Variants in NWD2 observed in about 807,000 individuals in gnomAD.
The protein encoded by NWD2 is NACHT and WD repeat domain containing 2.
In NWD2, 37 loss-of-function variants were observed where a neutral mutation model predicts 132.7. The observed-to-expected ratio is 0.28, with a 90% CI of 0.21 to 0.37. NWD2 has a LOEUF of 0.37. Among genes scored for constraint, NWD2 ranks in the 10% least tolerant of loss-of-function variants. The pLI is 1.00. For missense variants in NWD2, 1,592 were observed against 2,122.4 expected, an observed-to-expected ratio of 0.75 and a Z score of 4.91; for synonymous variants, 705 against 803.0, an observed-to-expected ratio of 0.88 and a Z score of 2.06.
intron 3 of NWD2, among the ~76,000 whole-genome samples, chr4:37,429,243 T>A (rs1712103025): frequency 6.6e-6 from 1 of 152,220 alleles, no homozygotes. Flanking sequence ...CATATATGCG[T>A]GCTATTCTCT....
chr4:37,405,055 TC>T (rs1280033247), intron 3 of NWD2, among the ~76,000 whole-genome samples: 1 of 152,218 alleles, frequency 6.6e-6, no homozygotes, highest in Non-Finnish European at 1.5e-5. Flanking sequence ...AATCTTGTCT[TC>T]TATTTATCGT....
intron 3 of NWD2, among the ~76,000 whole-genome samples, chr4:37,428,981 C>G (rs1331935663): frequency 6.6e-6 from 1 of 152,176 alleles, no homozygotes; most frequent in Non-Finnish European, 1.5e-5. Flanking sequence ...ATCTGCTCGC[C>G]TTGGCCTCCC....
chr4:37,287,953 A>C (rs1485077762), intron 1 of NWD2, among the ~76,000 whole-genome samples: 1 of 152,258 alleles, frequency 6.6e-6, no homozygotes, highest in African/African-American at 2.4e-5. Flanking sequence ...AATGCGGTAC[A>C]TATAGACCAT....
intron 3 of NWD2, among the ~76,000 whole-genome samples, chr4:37,421,938 G>T (rs758015001): frequency 6.6e-6 from 1 of 152,138 alleles, no homozygotes; most frequent in African/African-American, 2.4e-5. Flanking sequence ...ACTAGAATAA[G>T]GACCATCTTC....
At chr4:37,336,333 G>GT (rs1719405418) in intron 2 of NWD2, among the ~76,000 whole-genome samples, 1 of 152,198 alleles carries the variant, frequency 6.6e-6, no homozygotes, top group Non-Finnish European at 1.5e-5. Flanking sequence ...TTACATTCTT[G>GT]TTTTTATCCT....
intron 1 of NWD2, among the ~76,000 whole-genome samples, chr4:37,283,010 C>T (rs1718159248): frequency 6.6e-6 from 1 of 152,138 alleles, no homozygotes. Flanking sequence ...TCCTCAAGGT[C>T]ATAAAGCTGG....
chr4:37,268,766 G>A (rs1391453665), intron 1 of NWD2, among the ~76,000 whole-genome samples: 1 of 151,696 alleles, frequency 6.6e-6, no homozygotes, highest in Non-Finnish European at 1.5e-5. Context: ...TCTGGCAGCT[G>A]TATATATAAT....
Position 37,337,012 on chromosome 4 carries a change from T to C in NWD2, c.240+10988T>C, listed in dbSNP as rs932048245. On this transcript the variant is annotated intron_variant, in intron 2 of 6. Coordinates refer to ENST00000309447, the MANE Select transcript of NWD2 (RefSeq NM_001144990.2). The stretch of plus-strand genomic sequence containing the variant: ...CTGTCAAATGAGTAACTTTTTCTTC[T>C]ATCTGACTGCTTTTGGGCATTGTGT... Among the ~76,000 whole-genome samples, 11 of 151,474 alleles carry C rather than the reference T, an allele frequency of 7.3e-5. 1 individual carries two copies. Among genetic ancestry groups the C allele is most frequent in the Middle Eastern group, 3.4e-3 (1 of 290 alleles).
intron 3 of NWD2, among the ~76,000 whole-genome samples, chr4:37,368,390 G>A (rs945047484): frequency 6.6e-6 from 1 of 152,046 alleles, no homozygotes; most frequent in Admixed American, 6.6e-5. Context: ...TTCCATTGTT[G>A]TCCAATAAAA....
Position 37,439,050 on chromosome 4 carries a change from C to T in NWD2, c.956C>T (p.Thr319Ile), listed in dbSNP as rs1444921986. ...GCATCATCTAATCTGAGAGTGTACA[C>T]ATCTGTTACTCATTGTGACATGAAA... ...IVASSNLRVY[T>I]SVTHCDMKLG... Residue 319 changes from threonine (T) to isoleucine (I), a missense_variant, in exon 6 of 7, where the codon ACA (threonine) becomes ATA (isoleucine). This residue lies in a region of NWD2 where 1,071 missense variants were observed against 1,398.0 expected (regional missense o/e 0.77). Coordinates refer to ENST00000309447, the MANE Select transcript of NWD2 (RefSeq NM_001144990.2). This position sits in a 1 kb window ranked among gnomAD's most constrained non-coding sequence, Gnocchi z 4.5. 3.9e-6 allele frequency: 6 copies of T among 1,551,658 alleles called. No homozygotes were observed. Among genetic ancestry groups the T allele is most frequent in the Non-Finnish European group, 2.6e-6 (3 of 1,146,900 alleles).
At chr4:37,436,498 G>A (rs1712325843) in intron 5 of NWD2, among the ~76,000 whole-genome samples, 1 of 151,916 alleles carries the variant, frequency 6.6e-6, no homozygotes. Flanking sequence ...TGCCAAATTA[G>A]TTTATCTGTA....
chr4:37,304,618 G>A (rs974146894), intron 1 of NWD2, among the ~76,000 whole-genome samples: 8 of 152,144 alleles, frequency 5.3e-5, no homozygotes, highest in Admixed American at 2.6e-4. Context: ...AAAACAAAGC[G>A]GCTACAGGCC....
intron 3 of NWD2, among the ~76,000 whole-genome samples, chr4:37,391,159 G>A (rs1307977019): frequency 6.6e-6 from 1 of 152,072 alleles, no homozygotes; most frequent in African/African-American, 2.4e-5. Context: ...GTGATTCCTT[G>A]TCTCTTGCTA....
At chr4:37,396,189 C>G (rs1047808771) in intron 3 of NWD2, among the ~76,000 whole-genome samples, 5 of 152,144 alleles carry the variant, frequency 3.3e-5, no homozygotes, top group Non-Finnish European at 7.4e-5. Context: ...TGTGAGGAGG[C>G]TTTTAGTGGA....
At chr4:37,287,195 G>A (rs972546985) in intron 1 of NWD2, among the ~76,000 whole-genome samples, 1 of 152,170 alleles carries the variant, frequency 6.6e-6, no homozygotes, top group Non-Finnish European at 1.5e-5. Context: ...CCATGCTACC[G>A]GGGCCTAGGG....
At chr4:37,409,191 TG>T (rs1292878775) in intron 3 of NWD2, among the ~76,000 whole-genome samples, 2 of 151,894 alleles carry the variant, frequency 1.3e-5, no homozygotes, top group East Asian at 3.9e-4. Context: ...ATTCAGAAGG[TG>T]GGTAATAACA....
intron 1 of NWD2, among the ~76,000 whole-genome samples, chr4:37,314,744 C>T (rs1718924317): frequency 6.6e-6 from 1 of 152,014 alleles, no homozygotes; most frequent in Non-Finnish European, 1.5e-5. Flanking sequence ...CAATTTTTCT[C>T]TCAGTTTTCT....
At chr4:37,396,682 A>C (rs943405542) in intron 3 of NWD2, among the ~76,000 whole-genome samples, 3 of 152,146 alleles carry the variant, frequency 2.0e-5, no homozygotes, top group African/African-American at 7.2e-5. Context: ...CCCAGTCTCT[A>C]CAGATGGAAC....
chr4:37,335,849 G>A (rs909177867), intron 2 of NWD2, among the ~76,000 whole-genome samples: 2 of 148,402 alleles, frequency 1.3e-5, no homozygotes, highest in East Asian at 3.9e-4. Flanking sequence ...CTTTGATATA[G>A]TACGTGGCTC....
Sources: allele counts gnomAD v4.1 joint callset (sites outside exome capture counted in the v4.1 genomes callset), GRCh38; gene constraint gnomAD v4.1.1; regional missense constraint gnomAD v4.1.1; non-coding constraint Gnocchi (gnomAD v3.1); transcripts MANE v1.5; gene names NCBI Gene and HGNC (gene_info 2026-07-23, HGNC 2026-07-21).